The following RANBP2 variants were observed in gnomAD, a reference collection of about 807,000 sequenced individuals.
The protein encoded by RANBP2 is E3 SUMO-protein ligase RanBP2.
RANBP2 carries 57 observed loss-of-function variants against 303.6 expected under a neutral mutation model. The ratio of observed to expected loss-of-function variants is 0.19; its 90% CI spans 0.15 to 0.23. RANBP2 has a LOEUF of 0.23. RANBP2 is among the 10% of genes least tolerant of loss of function. The pLI, the probability that RANBP2 is intolerant of heterozygous loss-of-function variation, is 1.00. For missense variants in RANBP2, 3,138 were observed against 3,780.8 expected (o/e 0.83, Z 4.46); for synonymous variants, 1,167 against 1,301.5 (o/e 0.90, Z 2.23).
the RANBP2 span, among the ~76,000 whole-genome samples, chr2:108,887,868 T>C: frequency 6.6e-6 from 1 of 152,204 alleles, no homozygotes; most frequent in South Asian, 2.1e-4. Flanking sequence ...TTTCTTTCTC[T>C]TGCCTGAGTG....
At chr2:109,699,769 T>C in the RANBP2 span, among the ~76,000 whole-genome samples, 1 of 152,184 alleles carries the variant, frequency 6.6e-6, no homozygotes, top group African/African-American at 2.4e-5. Context: ...AACTGTTAGC[T>C]GTGCAGTGAT....
the RANBP2 span, among the ~76,000 whole-genome samples, chr2:109,027,242 C>CA: frequency 0.53 from 42,647 of 81,064 alleles, 10,855 homozygotes; most frequent in East Asian, 0.68. Context: ...GGCTCTGTCT[C>CA]AAAAAAAAAA....
chr2:109,384,409 G>A, the RANBP2 span, among the ~76,000 whole-genome samples: 1,341 of 152,162 alleles, frequency 8.8e-3, 18 homozygotes, highest in African/African-American at 0.031. Context: ...AGCGGCCTTC[G>A]GGGAGGGGCA....
chr2:109,635,036 T>G, the RANBP2 span, among the ~76,000 whole-genome samples: 1 of 152,148 alleles, frequency 6.6e-6, no homozygotes, highest in Non-Finnish European at 1.5e-5. Flanking sequence ...GCTCTAACAT[T>G]TTCTGTAAAT....
the RANBP2 span, among the ~76,000 whole-genome samples, chr2:109,368,924 TCATGCCTTGG>T: frequency 2.7e-5 from 4 of 149,194 alleles, no homozygotes; most frequent in African/African-American, 1.0e-4. Context: ...GCTGGGCCAA[TCATGCCTTGG>T]GCCTCTGCTG....
At chr2:109,726,011 G>A in the RANBP2 span, among the ~76,000 whole-genome samples, 1 of 151,862 alleles carries the variant, frequency 6.6e-6, no homozygotes, top group Non-Finnish European at 1.5e-5. Context: ...GGGATTACAT[G>A]TGTGAGCCAC....
At chr2:109,522,250 G>A in the RANBP2 span, among the ~76,000 whole-genome samples, 3 of 151,504 alleles carry the variant, frequency 2.0e-5, no homozygotes, top group East Asian at 5.8e-4. Flanking sequence ...ACCAGTGTCC[G>A]GCCCCACCCC....
At chr2:109,520,843 A>G in the RANBP2 span, among the ~76,000 whole-genome samples, 1 of 135,402 alleles carries the variant, frequency 7.4e-6, no homozygotes, top group African/African-American at 2.5e-5. Context: ...GAGGCAGGAG[A>G]ATCGCTTGAA....
the RANBP2 span, among the ~76,000 whole-genome samples, chr2:109,179,967 AG>A: frequency 0.81 from 122,953 of 151,970 alleles, 49,874 homozygotes; most frequent in South Asian, 0.86. Flanking sequence ...TTGGACCCAA[AG>A]GTGTTCTTAA....
At chr2:109,428,427 A>C in the RANBP2 span, among the ~76,000 whole-genome samples, 2 of 152,256 alleles carry the variant, frequency 1.3e-5, no homozygotes, top group Non-Finnish European at 2.9e-5. Flanking sequence ...ACGTGAAAGC[A>C]GACACATGCC....
the RANBP2 span, among the ~76,000 whole-genome samples, chr2:108,797,628 A>T: frequency 6.6e-6 from 1 of 152,128 alleles, no homozygotes; most frequent in Non-Finnish European, 1.5e-5. Context: ...TCTTCACAGG[A>T]TGGCTTAAGG....
At chr2:109,652,414 A>T in the RANBP2 span, among the ~76,000 whole-genome samples, 2 of 151,836 alleles carry the variant, frequency 1.3e-5, no homozygotes, top group African/African-American at 4.8e-5. Context: ...TTTAGTAGAG[A>T]CGGGGTTTCA....
At chr2:108,845,573 T>G in the RANBP2 span, among the ~76,000 whole-genome samples, 1 of 1,624 alleles carries the variant, frequency 6.2e-4, no homozygotes, top group Admixed American at 0.01. Flanking sequence ...TTCATTTGAT[T>G]TTTTTTTTTT....
the RANBP2 span, among the ~76,000 whole-genome samples, chr2:109,239,600 C>G: frequency 6.6e-6 from 1 of 152,144 alleles, no homozygotes; most frequent in African/African-American, 2.4e-5. Flanking sequence ...AGACTGGGTA[C>G]AGAGCCAGGC....
chr2:109,308,191 T>C, the RANBP2 span, among the ~76,000 whole-genome samples: 1 of 133,742 alleles, frequency 7.5e-6, no homozygotes. Flanking sequence ...GAGCATTTTT[T>C]CATGTGTTTT....
chr2:109,643,796 T>C, the RANBP2 span, among the ~76,000 whole-genome samples: 2 of 145,298 alleles, frequency 1.4e-5, no homozygotes, highest in East Asian at 4.3e-4. Flanking sequence ...AAACCCTGTT[T>C]CCTGAATGCT....
chr2:108,975,651 A>T, the RANBP2 span, among the ~76,000 whole-genome samples: 3 of 152,124 alleles, frequency 2.0e-5, no homozygotes. Flanking sequence ...CCGGGGGAAC[A>T]GGGGTGCGGT....
At chr2:109,029,098 A>G in the RANBP2 span, among the ~76,000 whole-genome samples, 1 of 152,032 alleles carries the variant, frequency 6.6e-6, no homozygotes, top group Admixed American at 6.6e-5. Flanking sequence ...GTGATTGTTT[A>G]TTTCTTTAGC....
chr2:109,486,866 T>C, the RANBP2 span, among the ~76,000 whole-genome samples: 2 of 152,158 alleles, frequency 1.3e-5, no homozygotes, highest in South Asian at 2.1e-4. Context: ...GGCAGATCTG[T>C]CTCCCGCCCA....
Sources: gnomAD v4.1 joint callset for allele counts (sites outside exome capture counted in the v4.1 genomes callset) on GRCh38, gnomAD v4.1.1 for gene constraint, MANE v1.5 for transcripts, NCBI Gene and HGNC (gene_info 2026-07-23, HGNC 2026-07-21) for gene names.